The following METTL15 variants were observed in gnomAD, a reference collection of about 807,000 sequenced individuals.
METTL15 encodes 12S rRNA N(4)-cytidine methyltransferase METTL15.
Under a neutral mutation model 38.3 loss-of-function variants are expected in METTL15, and 34 were observed. The ratio of observed to expected loss-of-function variants is 0.89; its 90% CI spans 0.68 to 1.18. The LOEUF (loss-of-function observed/expected upper bound fraction) is 1.18. Ranked by LOEUF, METTL15 falls within the 50% of genes most tolerant of loss-of-function variation. The pLI, the probability that METTL15 is intolerant of heterozygous loss-of-function variation, is 0.00. For synonymous variants in METTL15, 162 were observed against 170.9 expected (o/e 0.95, Z 0.41); for missense variants, 438 against 498.4 (o/e 0.88, Z 1.15).
chr11:28,464,386 A>G (rs903131183), intron 6 of METTL15, among the ~76,000 whole-genome samples: 8 of 152,178 alleles, frequency 5.3e-5, no homozygotes, highest in Non-Finnish European at 1.2e-4. Context: ...CTCTGTTTCA[A>G]CTTGCCTAGA....
At chr11:28,498,223 A>G (rs893961424) in intron 6 of METTL15, among the ~76,000 whole-genome samples, 2 of 151,936 alleles carry the variant, frequency 1.3e-5, no homozygotes, top group African/African-American at 2.4e-5. Context: ...CAGTGGTGCA[A>G]TCTGGGCTCA....
At chr11:28,262,072 G>A (rs1855226776) in intron 4 of METTL15, among the ~76,000 whole-genome samples, 1 of 152,138 alleles carries the variant, frequency 6.6e-6, no homozygotes, top group Middle Eastern at 3.4e-3. Context: ...CCTATTAGAA[G>A]AACACTTAAG....
At chr11:28,209,572 G>A (rs1050430505) in intron 3 of METTL15, among the ~76,000 whole-genome samples, 29 of 151,998 alleles carry the variant, frequency 1.9e-4, no homozygotes, top group Admixed American at 1.7e-3. Flanking sequence ...GTGTTAAAAA[G>A]CATTGCTTGT....
chr11:28,353,387 G>A (rs1362652952), intron 4 of METTL15, among the ~76,000 whole-genome samples: 3 of 152,150 alleles, frequency 2.0e-5, no homozygotes, highest in Non-Finnish European at 4.4e-5. Flanking sequence ...AAGGGCAGGA[G>A]GGCATCAAAA....
intron 6 of METTL15, among the ~76,000 whole-genome samples, chr11:28,437,640 T>G (rs1284006276): frequency 6.6e-6 from 1 of 152,214 alleles, no homozygotes; most frequent in East Asian, 1.9e-4. Flanking sequence ...AATTTACAGT[T>G]TTGCTTAAAT....
At chr11:28,381,217 T>C (rs1850379865) in intron 5 of METTL15, among the ~76,000 whole-genome samples, 1 of 152,304 alleles carries the variant, frequency 6.6e-6, no homozygotes, top group East Asian at 1.9e-4. Context: ...CAGGTTGGTC[T>C]TGAACTCCTG....
intron 4 of METTL15, among the ~76,000 whole-genome samples, chr11:28,217,715 C>T (rs982011371): frequency 5.3e-5 from 8 of 152,066 alleles, no homozygotes; most frequent in Non-Finnish European, 1.2e-4. Context: ...GTCTTTAATC[C>T]ATTTGGAATT....
chr11:28,243,689 C>A (rs1436153859), intron 4 of METTL15, among the ~76,000 whole-genome samples: 1 of 152,098 alleles, frequency 6.6e-6, no homozygotes, highest in African/African-American at 2.4e-5. Context: ...GACAAATCAT[C>A]AATTTTACTG....
At chr11:28,453,143 T>C (rs764463277) in intron 6 of METTL15, among the ~76,000 whole-genome samples, 2 of 152,240 alleles carry the variant, frequency 1.3e-5, no homozygotes, top group Non-Finnish European at 2.9e-5. Context: ...TCTACTCTTT[T>C]ACAGAGCCAA....
At chr11:28,505,070 A>G (rs920613303) in intron 6 of METTL15, among the ~76,000 whole-genome samples, 6 of 152,236 alleles carry the variant, frequency 3.9e-5, no homozygotes, top group African/African-American at 1.4e-4. Flanking sequence ...TCTGGCATAA[A>G]GAGCCAGGAC....
intron 4 of METTL15, among the ~76,000 whole-genome samples, chr11:28,359,774 G>A (rs1171780314): frequency 6.6e-6 from 1 of 152,062 alleles, no homozygotes; most frequent in Non-Finnish European, 1.5e-5. Context: ...GCCGAAGTAT[G>A]TTTTCTGTAA....
At chr11:28,518,260 G>A (rs1161930204) in intron 6 of METTL15, among the ~76,000 whole-genome samples, 1 of 152,168 alleles carries the variant, frequency 6.6e-6, no homozygotes, top group East Asian at 1.9e-4. Flanking sequence ...CATCTGGGTG[G>A]CACTGTGAGA....
At chr11:28,203,628 C>T (rs1229313097) in intron 3 of METTL15, among the ~76,000 whole-genome samples, 3 of 152,000 alleles carry the variant, frequency 2.0e-5, no homozygotes, top group Non-Finnish European at 2.9e-5. Flanking sequence ...GGTAACCTCT[C>T]CAGGCCTTGG....
chr11:28,280,152 A>AT lies in METTL15; in HGVS notation c.408-10048dup, dbSNP rs1399205911. Among the ~76,000 whole-genome samples, 4 of 150,902 alleles carry AT rather than the reference A, an allele frequency of 2.7e-5. No homozygotes were observed. In the South Asian group the frequency reaches 8.4e-4, roughly 32 times the overall value. On this transcript the variant is annotated intron_variant, in intron 4 of 6. Coordinates refer to ENST00000407364, the MANE Select transcript of METTL15 (RefSeq NM_001113528.2). ...TACACTTTCCATTGCTTTTTTTCCC[A>AT]TTTTTTCCCATTTTTCCCATTCATT...
intron 5 of METTL15, among the ~76,000 whole-genome samples, chr11:28,402,098 G>T (rs1418369245): frequency 6.6e-6 from 1 of 151,916 alleles, no homozygotes; most frequent in Non-Finnish European, 1.5e-5. Flanking sequence ...CAAAAACGTT[G>T]TGAACAGAGT....
At position 28,330,694 on chromosome 11, in the gene METTL15, T is replaced by C. The variant is rs1353380334; in HGVS notation, c.1077T>C (p.Asp359=). The C allele has an allele frequency of 6.4e-7, 1 of 1,551,396 alleles. No homozygotes were observed. Among genetic ancestry groups the C allele is most frequent in the African/African-American group, 1.4e-5 (1 of 73,046 alleles). Residue 359 remains aspartate, a synonymous_variant, in exon 7 of 7, where the codon GAT becomes GAC. Transcript: ENST00000407364. ...QVMKTSQLGS[D]HENTEEVSMR... ...TGAAAACATCTCAATTGGGTTCAGA[T>C]CACGAAAACACGGAAGAAGTCTCTA...
intron 6 of METTL15, among the ~76,000 whole-genome samples, chr11:28,465,549 A>G (rs1006193041): frequency 6.6e-6 from 1 of 152,080 alleles, no homozygotes; most frequent in African/African-American, 2.4e-5. Flanking sequence ...TAAGGCTAAA[A>G]CCCAAACCTG....
At chr11:28,241,533 CAAAAAAAGAAAAAAA>C (rs1854296791) in intron 4 of METTL15, among the ~76,000 whole-genome samples, 5 of 110,262 alleles carry the variant, frequency 4.5e-5, no homozygotes, top group Admixed American at 3.0e-4. Context: ...GACCCCGTCT[CAAAAAAAGAAAAAAA>C]AAAAAAAGAA....
intron 6 of METTL15, among the ~76,000 whole-genome samples, chr11:28,503,184 G>A (rs1025395374): frequency 6.6e-6 from 1 of 152,116 alleles, no homozygotes; most frequent in African/African-American, 2.4e-5. Flanking sequence ...AAAGATTCCC[G>A]TGGAAGTGAC....
Sources: gnomAD v4.1 joint callset for allele counts (sites outside exome capture counted in the v4.1 genomes callset) on GRCh38, gnomAD v4.1.1 for gene constraint, MANE v1.5 for transcripts, NCBI Gene and HGNC (gene_info 2026-07-23, HGNC 2026-07-21) for gene names.